The following KALRN variants were observed in gnomAD, a reference collection of about 807,000 sequenced individuals.
The protein encoded by KALRN is kalirin RhoGEF kinase.
In KALRN, 70 loss-of-function variants were observed where a neutral mutation model predicts 353.7. The observed-to-expected ratio is 0.20, with a 90% CI of 0.16 to 0.24. The LOEUF (loss-of-function observed/expected upper bound fraction) is 0.24, where lower values mean the gene tolerates loss of function less well. KALRN is among the 10% of genes least tolerant of loss of function. KALRN has a pLI of 1.00. For synonymous variants in KALRN, 1,391 were observed against 1,434.8 expected, an observed-to-expected ratio of 0.97 and a Z score of 0.69; for missense variants, 2,791 against 3,756.7, an observed-to-expected ratio of 0.74 and a Z score of 6.72.
intron 6 of KALRN, among the ~76,000 whole-genome samples, chr3:124,314,099 C>A (rs2078560659): frequency 6.6e-6 from 1 of 151,992 alleles, no homozygotes; most frequent in Non-Finnish European, 1.5e-5. Context: ...TGGAACTAAC[C>A]CAAATGTCCA....
intron 1 of KALRN, among the ~76,000 whole-genome samples, chr3:124,113,397 G>A (rs1578199269): frequency 6.6e-6 from 1 of 152,186 alleles, no homozygotes; most frequent in Non-Finnish European, 1.5e-5. Flanking sequence ...AAGGTGCTCT[G>A]GGGACTGAAG....
intron 2 of KALRN, among the ~76,000 whole-genome samples, chr3:124,228,965 A>G (rs2078869979): frequency 6.6e-6 from 1 of 151,978 alleles, no homozygotes; most frequent in African/African-American, 2.4e-5. Flanking sequence ...TCTGTGTCAA[A>G]TCTTTCTCTG....
chr3:124,130,997 A>T (rs1211968935), intron 1 of KALRN, among the ~76,000 whole-genome samples: 1 of 152,174 alleles, frequency 6.6e-6, no homozygotes, highest in Non-Finnish European at 1.5e-5. Flanking sequence ...GGTAGCTGTA[A>T]ATGTTCTAAA....
chr3:124,334,563 C>A lies in KALRN; in HGVS notation c.1647+68C>A. On this transcript the variant is annotated intron_variant, in intron 9 of 59. Transcript: ENST00000682506. The surrounding 1 kb of genome is among the most constrained non-coding windows in gnomAD (Gnocchi z 4.2). ...GGCAGACCGAGCTCAAGTCCCTGAC[C>A]TAGGTGATCAGGCTTAGGAGAGCCC... is the stretch of plus-strand genomic sequence containing the variant. 8.8e-7 allele frequency: 1 copy of A among 1,138,710 alleles called. No homozygotes were observed. The highest frequency in any genetic ancestry group is 1.3e-6 in the Non-Finnish European group (1 of 781,570). 70.5% of individuals were successfully genotyped at this position (1,138,710 alleles called of 1,614,324 possible). A position where few individuals can be genotyped will look rare whatever the true frequency, so the allele number is the denominator to read the frequency against.
chr3:124,689,975 T>C (rs1164073746), intron 51 of KALRN, among the ~76,000 whole-genome samples: 1 of 152,192 alleles, frequency 6.6e-6, no homozygotes, highest in Non-Finnish European at 1.5e-5. Context: ...AAGATCACTA[T>C]TGGCTACATC....
intron 1 of KALRN, among the ~76,000 whole-genome samples, chr3:124,089,553 C>A (rs933591960): frequency 2.6e-5 from 4 of 151,702 alleles, no homozygotes; most frequent in Non-Finnish European, 5.9e-5. Flanking sequence ...TGACTGGCTG[C>A]GAGGGAAACA....
chr3:124,248,806 G>A (rs1389435254), intron 3 of KALRN, among the ~76,000 whole-genome samples: 1 of 152,206 alleles, frequency 6.6e-6, no homozygotes, highest in Non-Finnish European at 1.5e-5. Context: ...AGACTGTTCT[G>A]TCCGGAGCTG....
chr3:124,178,065 T>C (rs985392591), intron 1 of KALRN, among the ~76,000 whole-genome samples: 4 of 152,204 alleles, frequency 2.6e-5, no homozygotes, highest in Admixed American at 1.3e-4. Flanking sequence ...AATGCCTACC[T>C]GAGATAAAAG....
At chr3:124,631,924 C>G (rs529523686) in intron 34 of KALRN, among the ~76,000 whole-genome samples, 1 of 152,326 alleles carries the variant, frequency 6.6e-6, no homozygotes, top group African/African-American at 2.4e-5. Flanking sequence ...TTTGCTCTTC[C>G]GCCCAGAAGG....
intron 5 of KALRN, among the ~76,000 whole-genome samples, chr3:124,289,219 A>G (rs1197096364): frequency 6.6e-6 from 1 of 152,020 alleles, no homozygotes; most frequent in African/African-American, 2.4e-5. Context: ...AATCCTAATT[A>G]CCTCCCAAAG....
chr3:124,131,340 T>C (rs756318636), intron 1 of KALRN, among the ~76,000 whole-genome samples: 13 of 152,214 alleles, frequency 8.5e-5, no homozygotes, highest in Non-Finnish European at 1.6e-4. Context: ...TTACCAACTG[T>C]GTTTACTTAC....
chr3:124,462,608 C>A lies in KALRN; in HGVS notation c.4006C>A (p.Gln1336Lys). Residue 1336 changes from glutamine (Q) to lysine (K), a missense_variant, in exon 25 of 60, where the codon CAA (glutamine) becomes AAA (lysine). Physicochemically the swap from Gln to Lys is moderately conservative, Grantham distance 53. This residue lies in a region of KALRN where 268 missense variants were observed against 347.0 expected (regional missense o/e 0.77). Transcript: ENST00000682506. ...NKEHIIFGNI[Q>K]EIYDFHNNIF... ...AGAGCATATCATCTTTGGCAACATC[C>A]AAGAGATCTACGATTTCCATAACAA... The A allele has an allele frequency of 6.2e-7, 1 of 1,607,648 alleles. No homozygotes were observed. The highest frequency in any genetic ancestry group is 1.1e-5 in the South Asian group (1 of 90,928).
chr3:124,599,473 C>G (rs1290808061), intron 34 of KALRN, among the ~76,000 whole-genome samples: 4 of 152,142 alleles, frequency 2.6e-5, no homozygotes, highest in Admixed American at 6.5e-5. Context: ...TCCCTGCAAC[C>G]CACCTTGGCC....
At chr3:124,665,316 T>C (rs111343232) in intron 45 of KALRN, among the ~76,000 whole-genome samples, 1,800 of 152,320 alleles carry the variant, frequency 0.012, 29 homozygotes, top group African/African-American at 0.04. Context: ...GGTTGGGCCA[T>C]ATTCCCTTTG....
intron 37 of KALRN, among the ~76,000 whole-genome samples, chr3:124,640,442 G>C (rs1349607096): frequency 1.3e-5 from 2 of 151,690 alleles, no homozygotes; most frequent in Non-Finnish European, 2.9e-5. Flanking sequence ...ACACCACCAT[G>C]CCTGGCTAAT....
chr3:124,075,934 C>T (rs993211771), intron 1 of KALRN, among the ~76,000 whole-genome samples: 20 of 152,210 alleles, frequency 1.3e-4, no homozygotes, highest in Admixed American at 1.3e-4. Flanking sequence ...GAGTCAGGAT[C>T]TGCACCAAGG....
chr3:124,314,830 T>A (rs202160298), intron 6 of KALRN, among the ~76,000 whole-genome samples: 1 of 151,758 alleles, frequency 6.6e-6, no homozygotes, highest in African/African-American at 2.4e-5. Context: ...AATTTTTTAA[T>A]TTTTTGTAGA....
chr3:124,528,627 T>C (rs1377661720), intron 33 of KALRN, among the ~76,000 whole-genome samples: 1 of 152,154 alleles, frequency 6.6e-6, no homozygotes, highest in Admixed American at 6.5e-5. Flanking sequence ...TCCCATTCAT[T>C]GTGTACTAGT....
rs755195866 is a variant in KALRN, at chr3:124,228,007, G to C, written c.91G>C (p.Gly31Arg). Residue 31 changes from glycine to arginine, a missense_variant, in exon 2 of 60, where the codon GGT (glycine) becomes CGT (arginine). Physicochemically the swap from Gly to Arg is moderately radical, Grantham distance 125. This residue lies in a region of KALRN where 110 missense variants were observed against 204.1 expected (regional missense o/e 0.54). Transcript: ENST00000682506. ...FFRTGSFRND[G>R]LKASDVLPIL... Reference sequence around the variant, plus strand: ...TCCCACAGGGTCTTTTCGGAATGATGGTTTGAAAGCTTCTGATGTCCTTCC... The same window carrying C: ...TCCCACAGGGTCTTTTCGGAATGATCGTTTGAAAGCTTCTGATGTCCTTCC... The C allele has an allele frequency of 6.2e-7, 1 of 1,614,016 alleles. No individual in the cohort carries two copies. The highest frequency in any genetic ancestry group is 8.5e-7 in the Non-Finnish European group (1 of 1,179,936).
Sources: gnomAD v4.1 joint callset for allele counts (sites outside exome capture counted in the v4.1 genomes callset) on GRCh38, gnomAD v4.1.1 for gene constraint, gnomAD v4.1.1 regional missense constraint, Gnocchi (gnomAD v3.1) non-coding constraint, MANE v1.5 for transcripts, NCBI Gene and HGNC (gene_info 2026-07-23, HGNC 2026-07-21) for gene names.